The following PLCB1 variants were observed in gnomAD, a reference collection of about 807,000 sequenced individuals.
PLCB1 encodes the protein 1-phosphatidylinositol 4,5-bisphosphate phosphodiesterase beta-1.
In PLCB1, 46 loss-of-function variants were observed where a neutral mutation model predicts 161.8. The ratio of observed to expected loss-of-function variants is 0.28; its 90% CI spans 0.22 to 0.36. The LOEUF is 0.36. PLCB1 is among the 10% of genes least tolerant of loss of function. PLCB1 has a pLI of 1.00. For synonymous variants in PLCB1, 517 were observed against 503.7 expected (o/e 1.03, Z -0.35); for missense variants, 1,016 against 1,472.5 (o/e 0.69, Z 5.07).
intron 2 of PLCB1, among the ~76,000 whole-genome samples, chr20:8,295,737 A>G (rs1027245474): frequency 6.6e-6 from 1 of 151,948 alleles, no homozygotes; most frequent in African/African-American, 2.4e-5. Context: ...TTTTTGAGAC[A>G]GAGTCTCTGT....
intron 3 of PLCB1, among the ~76,000 whole-genome samples, chr20:8,485,514 G>C (rs11908460): frequency 0.054 from 8,203 of 152,264 alleles, 462 homozygotes; most frequent in African/African-American, 0.14. Flanking sequence ...TCAGGGTTTA[G>C]TGATGTTAAT....
intron 31 of PLCB1, among the ~76,000 whole-genome samples, chr20:8,864,604 A>T (rs1420470032): frequency 6.6e-6 from 1 of 152,206 alleles, no homozygotes; most frequent in East Asian, 1.9e-4. Flanking sequence ...GAGTAGATGT[A>T]AATAGAGAAT....
intron 3 of PLCB1, among the ~76,000 whole-genome samples, chr20:8,521,951 T>C (rs1280188006): frequency 6.6e-6 from 1 of 152,238 alleles, no homozygotes; most frequent in African/African-American, 2.4e-5. Flanking sequence ...GATTTTTCCA[T>C]TGTAGCAAAT....
chr20:8,349,659 C>T (rs1325563601), intron 2 of PLCB1, among the ~76,000 whole-genome samples: 2 of 152,122 alleles, frequency 1.3e-5, no homozygotes, highest in African/African-American at 4.8e-5. Flanking sequence ...TTTTTGCTGG[C>T]AGCATTGCTA....
intron 2 of PLCB1, among the ~76,000 whole-genome samples, chr20:8,237,888 C>A (rs1980408723): frequency 6.6e-6 from 1 of 152,080 alleles, no homozygotes; most frequent in Non-Finnish European, 1.5e-5. Flanking sequence ...AAAATTAATC[C>A]TGCCAACTTC....
intron 3 of PLCB1, among the ~76,000 whole-genome samples, chr20:8,524,727 T>C (rs1984512682): frequency 6.6e-6 from 1 of 152,192 alleles, no homozygotes; most frequent in South Asian, 2.1e-4. Flanking sequence ...TTGACACTCT[T>C]TGTAAGCCAG....
chr20:8,753,683 G>A (rs972373053), intron 23 of PLCB1, among the ~76,000 whole-genome samples: 8 of 152,144 alleles, frequency 5.3e-5, no homozygotes. Context: ...GTACAGATTG[G>A]CAACTTCTGG....
At chr20:8,311,990 T>A (rs58716735) in intron 2 of PLCB1, among the ~76,000 whole-genome samples, 1,962 of 152,306 alleles carry the variant, frequency 0.013, 24 homozygotes, top group Middle Eastern at 0.034. Flanking sequence ...CTCTTCCCTC[T>A]CACTGCTCAA....
chr20:8,694,464 C>T (rs1028745641), intron 10 of PLCB1, among the ~76,000 whole-genome samples: 4 of 152,140 alleles, frequency 2.6e-5, no homozygotes, highest in Admixed American at 1.3e-4. Flanking sequence ...ATCTCACAAA[C>T]CCAACCTCAT....
chr20:8,256,704 C>T (rs1274259208), intron 2 of PLCB1: 1 of 151,936 alleles, frequency 6.6e-6, no homozygotes, highest in Non-Finnish European at 1.5e-5. Flanking sequence ...TTATCAGATG[C>T]TCTTCTCCTC....
At chr20:8,623,002 A>T (rs1988228309) in intron 3 of PLCB1, among the ~76,000 whole-genome samples, 1 of 152,140 alleles carries the variant, frequency 6.6e-6, no homozygotes, top group Non-Finnish European at 1.5e-5. Context: ...AGGACTGTGG[A>T]TACTTTATTT....
intron 2 of PLCB1, among the ~76,000 whole-genome samples, chr20:8,223,200 G>A (rs1182364251): frequency 1.3e-5 from 2 of 152,168 alleles, no homozygotes; most frequent in African/African-American, 4.8e-5. Flanking sequence ...CTGCTAAGGA[G>A]TCTTGCCCTT....
intron 31 of PLCB1, among the ~76,000 whole-genome samples, chr20:8,819,601 C>G (rs569478440): frequency 1.1e-4 from 17 of 152,156 alleles, no homozygotes; most frequent in Middle Eastern, 3.4e-3. Context: ...AAAACTTAAT[C>G]AAAAATTAGT....
rs1988098605 is a variant in PLCB1, at chr20:8,884,333, T to C, written c.*2484T>C. On this transcript the variant is annotated 3_prime_UTR_variant, in exon 32 of 32. Coordinates refer to ENST00000338037, the MANE Select transcript of PLCB1 (RefSeq NM_015192.4). The stretch of plus-strand genomic sequence containing the variant: ...GTTTTGTGCCTTTATGTATTTGCCT[T>C]GTTCTTTGTCGAATGTGTGAAATTC... 1 of 152,580 alleles carries C rather than the reference T, an allele frequency of 6.6e-6. No homozygotes were observed. Among genetic ancestry groups the C allele is most frequent in the Non-Finnish European group, 1.5e-5 (1 of 68,024 alleles). The allele number at this position is 152,580 out of a possible 1,614,324, so 9.5% of individuals were successfully genotyped here. A position where few individuals can be genotyped will look rare whatever the true frequency, so the allele number is the denominator to read the frequency against.
chr20:8,796,201 AT>A (rs1984018888), intron 31 of PLCB1, among the ~76,000 whole-genome samples: 2 of 152,146 alleles, frequency 1.3e-5, no homozygotes, highest in African/African-American at 4.8e-5. Flanking sequence ...ACATTTCATC[AT>A]GTAGCTACTG....
intron 3 of PLCB1, among the ~76,000 whole-genome samples, chr20:8,622,195 A>C (rs1261852286): frequency 1.3e-5 from 2 of 151,688 alleles, no homozygotes; most frequent in Non-Finnish European, 2.9e-5. Flanking sequence ...AAGAGGTTGC[A>C]GTGAGCCAAG....
At chr20:8,138,763 T>A (rs1046158110) in intron 1 of PLCB1, among the ~76,000 whole-genome samples, 2 of 152,204 alleles carry the variant, frequency 1.3e-5, no homozygotes, top group Admixed American at 1.3e-4. Context: ...GAATAGATTA[T>A]AAAGGATGCT....
chr20:8,667,043 AT>A (rs1989828667), intron 9 of PLCB1, among the ~76,000 whole-genome samples: 1 of 152,226 alleles, frequency 6.6e-6, no homozygotes, highest in Admixed American at 6.5e-5. Flanking sequence ...GGTGGCATCC[AT>A]TTAAGTCATT....
intron 2 of PLCB1, among the ~76,000 whole-genome samples, chr20:8,352,057 T>G (rs976713533): frequency 1.3e-5 from 2 of 152,114 alleles, no homozygotes; most frequent in Non-Finnish European, 2.9e-5. Flanking sequence ...ATAGAAGCCT[T>G]ATTCTTAATA....
Sources: allele counts gnomAD v4.1 joint callset (sites outside exome capture counted in the v4.1 genomes callset), GRCh38; gene constraint gnomAD v4.1.1; transcripts MANE v1.5; gene names NCBI Gene and HGNC (gene_info 2026-07-23, HGNC 2026-07-21).